ADCY2: variants seen among roughly 807,000 people sequenced by gnomAD.
The protein encoded by ADCY2 is adenylate cyclase type 2.
Under a neutral mutation model 125.2 loss-of-function variants are expected in ADCY2, and 31 were observed. The ratio of observed to expected loss-of-function variants is 0.25; its 90% CI spans 0.19 to 0.33. The LOEUF is 0.33. ADCY2 is among the 10% of genes least tolerant of loss of function. ADCY2 has a pLI of 1.00. For synonymous variants in ADCY2, 512 were observed against 548.4 expected (o/e 0.93, Z 0.93); for missense variants, 904 against 1,418.2 (o/e 0.64, Z 5.82).
intron 3 of ADCY2, among the ~76,000 whole-genome samples, chr5:7,539,525 T>A (rs1734928467): frequency 6.6e-6 from 1 of 152,238 alleles, no homozygotes; most frequent in Non-Finnish European, 1.5e-5. Flanking sequence ...CTGTACCAGA[T>A]TCTGCATTTA....
At chr5:7,698,397 A>G in intron 7 of ADCY2, 23 bp downstream of exon 7, 1 of 1,613,454 alleles carries the variant, frequency 6.2e-7, no homozygotes. Context: ...CTTAGTAAGC[A>G]TTTTGTTATA....
At chr5:7,459,706 C>T (rs535389703) in intron 2 of ADCY2, among the ~76,000 whole-genome samples, 1 of 141,680 alleles carries the variant, frequency 7.1e-6, no homozygotes, top group Non-Finnish European at 1.5e-5. Flanking sequence ...AGACATGACA[C>T]ATAACATTAG....
chr5:7,418,878 C>T (rs1740074264), intron 2 of ADCY2, among the ~76,000 whole-genome samples: 1 of 152,064 alleles, frequency 6.6e-6, no homozygotes, highest in Admixed American at 6.5e-5. Context: ...TGGCCTTGAA[C>T]TTCTGACCTC....
At chr5:7,648,460 A>C (rs1738975196) in intron 4 of ADCY2, among the ~76,000 whole-genome samples, 1 of 152,180 alleles carries the variant, frequency 6.6e-6, no homozygotes, top group East Asian at 1.9e-4. Flanking sequence ...TTCTACCATT[A>C]ATATTATCAG....
rs74913396 is a variant in ADCY2 at position 7,415,641 on chromosome 5, G to T, written c.408+871G>T. ...ATGGTCACAAGCTATTGAAGGGGTG[G>T]CTTCGGATACCTGCTGAAAAACCCA... is the stretch of plus-strand genomic sequence containing the variant. On this transcript the variant is annotated intron_variant, in intron 2 of 24. Transcript: ENST00000338316. Among the ~76,000 whole-genome samples, 67 of 152,236 alleles carry T rather than the reference G, an allele frequency of 4.4e-4. No homozygotes were observed. The East Asian group carries it at 0.012, about 28-fold the overall frequency.
intron 3 of ADCY2, among the ~76,000 whole-genome samples, chr5:7,574,531 A>G (rs1736183185): frequency 6.6e-6 from 1 of 152,214 alleles, no homozygotes; most frequent in Admixed American, 6.5e-5. Flanking sequence ...ACACGTACAT[A>G]TAAATACCGT....
At chr5:7,527,640 T>C (rs766673216) in intron 3 of ADCY2, among the ~76,000 whole-genome samples, 9 of 152,244 alleles carry the variant, frequency 5.9e-5, no homozygotes, top group Non-Finnish European at 1.0e-4. Context: ...ATTACTTATA[T>C]GTTAGATAAA....
chr5:7,601,696 C>T (rs1339968714), intron 3 of ADCY2, among the ~76,000 whole-genome samples: 1 of 152,048 alleles, frequency 6.6e-6, no homozygotes, highest in African/African-American at 2.4e-5. Context: ...CCTTCCAGAC[C>T]CTTCATTCTT....
chr5:7,622,508 G>A (rs908529587), intron 3 of ADCY2, among the ~76,000 whole-genome samples: 5 of 152,130 alleles, frequency 3.3e-5, no homozygotes, highest in African/African-American at 1.2e-4. Flanking sequence ...ATCAGTAAAG[G>A]CATTCTTTCC....
intron 14 of ADCY2, among the ~76,000 whole-genome samples, chr5:7,736,162 G>T (rs1742245735): frequency 6.6e-6 from 1 of 152,186 alleles, no homozygotes; most frequent in African/African-American, 2.4e-5. Context: ...AGAGGCTGCA[G>T]TTAGCTGTGA....
At chr5:7,406,715 A>G (rs1264235093) in intron 1 of ADCY2, among the ~76,000 whole-genome samples, 1 of 152,230 alleles carries the variant, frequency 6.6e-6, no homozygotes, top group Non-Finnish European at 1.5e-5. Context: ...CTTGTCTGCC[A>G]TAAATAAGAA....
rs201104963 is a variant in ADCY2, at chr5:7,739,856, A to G, written c.1872-3812A>G. Among the ~76,000 whole-genome samples the G allele has an allele frequency of 5.9e-5, 9 of 152,084 alleles. No individual in the cohort carries two copies. In the East Asian group the frequency reaches 1.3e-3, roughly 23 times the overall value. On this transcript the variant is annotated intron_variant, in intron 14 of 24. Coordinates refer to ENST00000338316, the MANE Select transcript of ADCY2 (RefSeq NM_020546.3). ...TTTCTTGAAAAGACTATTTACCAAA[A>G]GCTGAAACAAATAGAAAATTTAACT...
At chr5:7,765,663 T>C (rs1743353596) in intron 16 of ADCY2, among the ~76,000 whole-genome samples, 2 of 152,152 alleles carry the variant, frequency 1.3e-5, no homozygotes, top group African/African-American at 4.8e-5. Context: ...GAGAAATAAC[T>C]CCACAGAAAC....
chr5:7,669,894 G>C (rs1204930636), intron 4 of ADCY2, among the ~76,000 whole-genome samples: 1 of 152,070 alleles, frequency 6.6e-6, no homozygotes, highest in African/African-American at 2.4e-5. Context: ...GATGGCTTTG[G>C]GATACTGTAG....
chr5:7,443,120 G>A (rs560736295), intron 2 of ADCY2, among the ~76,000 whole-genome samples: 1 of 152,152 alleles, frequency 6.6e-6, no homozygotes, highest in South Asian at 2.1e-4. Context: ...TCCACAGCAG[G>A]GATGGGAATG....
At chr5:7,664,428 C>A (rs1001077774) in intron 4 of ADCY2, among the ~76,000 whole-genome samples, 3 of 152,182 alleles carry the variant, frequency 2.0e-5, no homozygotes, top group African/African-American at 7.2e-5. Context: ...GGAAAGGAGA[C>A]ACTCCCTGCT....
chr5:7,478,134 T>G (rs1372601326), intron 2 of ADCY2, among the ~76,000 whole-genome samples: 2 of 152,182 alleles, frequency 1.3e-5, no homozygotes, highest in Non-Finnish European at 2.9e-5. Flanking sequence ...CAGGGCTTAT[T>G]TATTAATATC....
chr5:7,471,197 C>G lies in ADCY2; in HGVS notation c.409-49541C>G, dbSNP rs561023096. ...ACAGCATACATCATGTTGGGTATTA[C>G]TTTCTTATCCAATCTGTCTGGCTTT... On this transcript the variant is annotated intron_variant, in intron 2 of 24. Coordinates refer to ENST00000338316, the MANE Select transcript of ADCY2 (RefSeq NM_020546.3). Among the ~76,000 whole-genome samples, 26 of 151,896 alleles carry G rather than the reference C, an allele frequency of 1.7e-4. 1 individual carries two copies. Among genetic ancestry groups the G allele is most frequent in the Admixed American group, 4.6e-4 (7 of 15,270 alleles).
At chr5:7,625,323 A>C (rs185804609) in intron 3 of ADCY2, among the ~76,000 whole-genome samples, 115 of 152,356 alleles carry the variant, frequency 7.5e-4, no homozygotes, top group Middle Eastern at 3.4e-3. Flanking sequence ...CAAAGCACAA[A>C]ACTACATTCA....
Sources: gnomAD v4.1 joint callset for allele counts (sites outside exome capture counted in the v4.1 genomes callset) on GRCh38, gnomAD v4.1.1 for gene constraint, MANE v1.5 for transcripts, NCBI Gene and HGNC (gene_info 2026-07-23, HGNC 2026-07-21) for gene names.